SP100: variants seen among roughly 807,000 people sequenced by gnomAD.
SP100 encodes nuclear autoantigen Sp-100.
In SP100, 84 loss-of-function variants were observed where a neutral mutation model predicts 130.0. The observed-to-expected ratio is 0.65, with a 90% CI of 0.54 to 0.77. SP100 has a LOEUF of 0.77. SP100 is among the 30% of genes least tolerant of loss of function. The pLI is 0.00. For missense variants in SP100, 978 were observed against 1,052.2 expected (o/e 0.93, Z 0.97); for synonymous variants, 331 against 351.7 (o/e 0.94, Z 0.66).
At chr2:230,503,206 T>C in intron 20 of SP100, 96 bp downstream of exon 20, 1 of 862,632 alleles carries the variant, frequency 1.2e-6, no homozygotes, top group Non-Finnish European at 1.8e-6. Context: ...AATTGGCATA[T>C]GGAGCTAGTA....
intron 19 of SP100, among the ~76,000 whole-genome samples, chr2:230,499,057 T>C (rs140493911): frequency 3.9e-5 from 6 of 152,252 alleles, no homozygotes; most frequent in Non-Finnish European, 5.9e-5. Context: ...GTAAAAACTA[T>C]GGACAGCCCC....
chr2:230,543,215 G>T lies in SP100; in HGVS notation c.*269G>T, dbSNP rs548661404. ...CCACAGACAACATTATATGGAATGC[G>T]CAAAAGAAGCATTCCCCTTGAAAAC... On this transcript the variant is annotated 3_prime_UTR_variant, in exon 29 of 29. Transcript: ENST00000340126. 4.4e-6 allele frequency: 1 copy of T among 229,542 alleles called. No individual in the cohort carries two copies. The highest frequency in any genetic ancestry group is 8.5e-6 in the Non-Finnish European group (1 of 117,562). The allele number at this position is 229,542 out of a possible 1,614,324, so 14.2% of individuals were successfully genotyped here.
chr2:230,521,054 T>C lies in SP100; in HGVS notation c.2094+9888T>C, dbSNP rs144912351. 6.7e-3 allele frequency among the ~76,000 whole-genome samples: 1,025 copies of C among 152,304 alleles called. 12 individuals are homozygous for C. Among genetic ancestry groups the C allele is most frequent in the African/African-American group, 0.023 (949 of 41,576 alleles). The stretch of plus-strand genomic sequence containing the variant: ...GAGATTCAGGGACAGGATTTCACCA[T>C]GAATCACAAGACCTTCCCAAGGTAG... On this transcript the variant is annotated intron_variant, in intron 24 of 28. Transcript: ENST00000340126.
rs780053243 is a variant in SP100 at position 230,470,012 on chromosome 2, C to T, written c.1346-3C>T. Reference sequence around the variant, plus strand: ...TGTTAAGGAATTTTATTTTTTTCTGCAGGTTTCAGCAGTAGTGACTTTTCA... The same window carrying T: ...TGTTAAGGAATTTTATTTTTTTCTGTAGGTTTCAGCAGTAGTGACTTTTCA... On this transcript the variant is annotated splice_region_variant and splice_polypyrimidine_tract_variant and intron_variant, in intron 14 of 28. Coordinates refer to ENST00000340126, the MANE Select transcript of SP100 (RefSeq NM_001080391.2). 1 of 1,609,456 alleles carries T rather than the reference C, an allele frequency of 6.2e-7. No homozygotes were observed. The highest frequency in any genetic ancestry group is 8.5e-7 in the Non-Finnish European group (1 of 1,177,920).
intron 24 of SP100, among the ~76,000 whole-genome samples, chr2:230,535,707 A>G (rs1391652692): frequency 1.3e-5 from 2 of 151,916 alleles, no homozygotes; most frequent in Admixed American, 6.6e-5. Flanking sequence ...CAGGGGTTTG[A>G]GTCCAGCCTG....
At chr2:230,440,529 T>A in intron 2 of SP100, 1 of 1,342,730 alleles carries the variant, frequency 7.4e-7, no homozygotes, top group Non-Finnish European at 9.6e-7. Flanking sequence ...CTAAAAACTA[T>A]AAGCAGTGCT....
intron 8 of SP100, among the ~76,000 whole-genome samples, chr2:230,455,324 A>C (rs970437687): frequency 6.6e-6 from 1 of 152,220 alleles, no homozygotes; most frequent in Non-Finnish European, 1.5e-5. Flanking sequence ...TCAGCCTCCC[A>C]AAGTGTTGGG....
chr2:230,525,842 G>T (rs1691395779), intron 24 of SP100, among the ~76,000 whole-genome samples: 1 of 152,098 alleles, frequency 6.6e-6, no homozygotes, highest in African/African-American at 2.4e-5. Flanking sequence ...ATTGGTGGGG[G>T]GAGGGGCACC....
In SP100 at chr2:230,432,000, T is replaced by C. The variant is rs529813062; in HGVS notation, c.108-10937T>C. Among the ~76,000 whole-genome samples the C allele has an allele frequency of 5.3e-5, 8 of 152,338 alleles. No homozygotes were observed. The South Asian group carries it at 1.7e-3, about 32-fold the overall frequency. On this transcript the variant is annotated intron_variant, in intron 2 of 28. Coordinates refer to ENST00000340126, the MANE Select transcript of SP100 (RefSeq NM_001080391.2). ...ATCACAATCCAAGTGTAGAATATTT[T>C]CACTACCCTTAAAAGCTTCTTCATG...
chr2:230,534,049 T>G (rs1206883341), intron 24 of SP100, among the ~76,000 whole-genome samples: 1 of 152,146 alleles, frequency 6.6e-6, no homozygotes, highest in Non-Finnish European at 1.5e-5. Context: ...AAAAAGACAT[T>G]TAGGTGGCCT....
intron 2 of SP100, among the ~76,000 whole-genome samples, chr2:230,421,362 G>A (rs1000514171): frequency 2.0e-5 from 3 of 152,126 alleles, no homozygotes; most frequent in African/African-American, 4.8e-5. Context: ...CAGCTTCCAA[G>A]GCTGACCTTG....
chr2:230,471,567 T>C (rs2065265222), intron 15 of SP100, among the ~76,000 whole-genome samples: 1 of 152,166 alleles, frequency 6.6e-6, no homozygotes, highest in African/African-American at 2.4e-5. Context: ...TATCTTTTTT[T>C]TCCTACTTGC....
At chr2:230,475,518 T>C (rs993562671) in intron 17 of SP100, among the ~76,000 whole-genome samples, 11 of 152,168 alleles carry the variant, frequency 7.2e-5, no homozygotes, top group Admixed American at 2.0e-4. Flanking sequence ...ATTTCTTTTG[T>C]TGTACAGAAG....
chr2:230,524,361 A>G (rs1168090235), intron 24 of SP100, among the ~76,000 whole-genome samples: 1 of 150,122 alleles, frequency 6.7e-6, no homozygotes, highest in Non-Finnish European at 1.5e-5. Context: ...CATCTCAAAA[A>G]AAAAAAAAAA....
chr2:230,476,233 T>C (rs2065540976), intron 17 of SP100, among the ~76,000 whole-genome samples: 1 of 152,232 alleles, frequency 6.6e-6, no homozygotes, highest in Non-Finnish European at 1.5e-5. Context: ...TTTGTACTTC[T>C]TCTTGTAGAT....
rs755932325 is a variant in SP100 at position 230,511,111 on chromosome 2, G to GT, written c.2053-7dup. On this transcript the variant is annotated splice_polypyrimidine_tract_variant and intron_variant, in intron 23 of 28. Transcript: ENST00000340126. The stretch of plus-strand genomic sequence containing the variant: ...CACTCAATATTGTACCAATCTTTCT[G>GT]TTTTTTTCAACAGAGAATACTGGAA... The GT allele has an allele frequency of 2.6e-5, 41 of 1,584,076 alleles. No individual in the cohort carries two copies. Among genetic ancestry groups the GT allele is most frequent in the Middle Eastern group, 1.7e-4 (1 of 6,012 alleles).
intron 2 of SP100, among the ~76,000 whole-genome samples, chr2:230,430,317 G>A (rs146276906): frequency 5.9e-5 from 9 of 152,360 alleles, no homozygotes; most frequent in African/African-American, 2.2e-4. Context: ...CTAACGGCCA[G>A]GCTCTAAGAT....
chr2:230,479,504 T>C (rs1228494584), intron 17 of SP100, among the ~76,000 whole-genome samples: 1 of 152,160 alleles, frequency 6.6e-6, no homozygotes, highest in Non-Finnish European at 1.5e-5. Flanking sequence ...TATTTCACAC[T>C]CCCAACCCTC....
rs376930412 is a variant in SP100 at position 230,542,990 on chromosome 2, G to A, written c.*44G>A. ...TTCAGATCCTCTGGCAGCTAGCTAC[G>A]CAATGTGCCTGTGGTCCCACTAATC... is the stretch of plus-strand genomic sequence containing the variant. On this transcript the variant is annotated 3_prime_UTR_variant, in exon 29 of 29. Coordinates refer to ENST00000340126, the MANE Select transcript of SP100 (RefSeq NM_001080391.2). The A allele has an allele frequency of 6.5e-5, 72 of 1,106,190 alleles. No individual in the cohort carries two copies. Among genetic ancestry groups the A allele is most frequent in the Admixed American group, 3.4e-4 (19 of 56,682 alleles). The allele number at this position is 1,106,190 out of a possible 1,614,324, so 68.5% of individuals were successfully genotyped here.
Sources: gnomAD v4.1 joint callset for allele counts (sites outside exome capture counted in the v4.1 genomes callset) on GRCh38, gnomAD v4.1.1 for gene constraint, MANE v1.5 for transcripts, NCBI Gene and HGNC (gene_info 2026-07-23, HGNC 2026-07-21) for gene names.